The following DPY19L3 variants were observed in gnomAD, a reference collection of about 807,000 sequenced individuals.
The protein encoded by DPY19L3 is protein C-mannosyl-transferase DPY19L3.
Under a neutral mutation model 92.3 loss-of-function variants are expected in DPY19L3, and 51 were observed. The ratio of observed to expected loss-of-function variants is 0.55; its 90% CI spans 0.44 to 0.70. The LOEUF (loss-of-function observed/expected upper bound fraction) is 0.70. DPY19L3 is among the 30% of genes least tolerant of loss of function. The pLI is 0.00. For synonymous variants in DPY19L3, 309 were observed against 315.2 expected, an observed-to-expected ratio of 0.98 and a Z score of 0.21; for missense variants, 706 against 855.9, an observed-to-expected ratio of 0.82 and a Z score of 2.18.
chr19:32,468,977 C>A, intron 16 of DPY19L3, 164 bp downstream of exon 16: 1 of 571,746 alleles, frequency 1.7e-6, no homozygotes. Flanking sequence ...AAAATAATGT[C>A]TTTCTATTTA....
At chr19:32,464,125 A>G (rs1267427379) in intron 14 of DPY19L3, 145 bp downstream of exon 14, 3 of 418,318 alleles carry the variant, frequency 7.2e-6, no homozygotes, top group African/African-American at 2.1e-5. Flanking sequence ...TTAAGATTTT[A>G]TAGGGAATTA....
At chr19:32,473,930 G>C (rs895392485) in intron 16 of DPY19L3, among the ~76,000 whole-genome samples, 8 of 152,024 alleles carry the variant, frequency 5.3e-5, no homozygotes, top group Non-Finnish European at 1.2e-4. Context: ...CAGCCTCCCA[G>C]GTAGTGGGAC....
At chr19:32,467,670 T>C (rs1164273808) in intron 15 of DPY19L3, 7 of 987,502 alleles carry the variant, frequency 7.1e-6, no homozygotes, top group Admixed American at 1.2e-4. Flanking sequence ...AAAAGTATTA[T>C]ATTTTCTACG....
intron 8 of DPY19L3, among the ~76,000 whole-genome samples, chr19:32,445,455 A>ACAAAAAAAAAAC (rs1555721502): frequency 1.3e-5 from 2 of 149,374 alleles, no homozygotes; most frequent in African/African-American, 4.9e-5. Flanking sequence ...AAAAAAAAAA[A>ACAAAAAAAAAAC]AAAAAACCAT....
At chr19:32,468,643 C>T in intron 15 of DPY19L3, 88 bp from the exon 16 acceptor site, 2 of 1,548,888 alleles carry the variant, frequency 1.3e-6, no homozygotes, top group Admixed American at 2.0e-5. Flanking sequence ...ACATTATATG[C>T]AGTTTATCTT....
chr19:32,407,093 A>G (rs533289189), intron 1 of DPY19L3, among the ~76,000 whole-genome samples: 2 of 151,924 alleles, frequency 1.3e-5, no homozygotes, highest in African/African-American at 4.8e-5. Context: ...AGGAATTAAT[A>G]AACTGTGGAA....
intron 3 of DPY19L3, among the ~76,000 whole-genome samples, chr19:32,420,675 C>T (rs908821159): frequency 3.9e-5 from 6 of 152,088 alleles, no homozygotes; most frequent in Non-Finnish European, 8.8e-5. Context: ...TTCTCAAACT[C>T]CTGACCTCAG....
At chr19:32,411,632 A>G (rs768488690) in intron 3 of DPY19L3, 7 of 418,964 alleles carry the variant, frequency 1.7e-5, no homozygotes, top group Middle Eastern at 6.2e-4. Context: ...CGGTGGCGCA[A>G]TCTTGGCTCA....
chr19:32,464,126 T>C, intron 14 of DPY19L3, 146 bp downstream of exon 14: 1 of 417,868 alleles, frequency 2.4e-6, no homozygotes, highest in South Asian at 1.0e-4. Flanking sequence ...TAAGATTTTA[T>C]AGGGAATTAT....
intron 8 of DPY19L3, 90 bp from the exon 9 acceptor site, chr19:32,453,055 C>A: frequency 7.3e-7 from 1 of 1,373,992 alleles, no homozygotes; most frequent in Non-Finnish European, 1.0e-6. Flanking sequence ...TATTTGTAAG[C>A]TGAGGTGTAT....
intron 8 of DPY19L3, among the ~76,000 whole-genome samples, chr19:32,445,695 CTT>C (rs1490188510): frequency 1.3e-5 from 2 of 152,044 alleles, no homozygotes; most frequent in African/African-American, 2.4e-5. Context: ...TTCTTATTCT[CTT>C]GAGTTTCTAA....
chr19:32,445,525 A>G (rs1969470091), intron 8 of DPY19L3, among the ~76,000 whole-genome samples: 1 of 151,844 alleles, frequency 6.6e-6, no homozygotes, highest in East Asian at 1.9e-4. Context: ...AAATCAAAAC[A>G]TTCTCAATTA....
intron 8 of DPY19L3, among the ~76,000 whole-genome samples, chr19:32,443,055 A>T (rs1969372934): frequency 6.6e-6 from 1 of 151,754 alleles, no homozygotes; most frequent in Non-Finnish European, 1.5e-5. Flanking sequence ...GGAGGTTGAG[A>T]CTCTAACCAC....
intron 15 of DPY19L3, among the ~76,000 whole-genome samples, chr19:32,467,290 A>G (rs936977061): frequency 2.0e-5 from 3 of 152,248 alleles, no homozygotes; most frequent in African/African-American, 7.2e-5. Context: ...TTCAAACTAG[A>G]AAAATATCTA....
At chr19:32,439,625 G>A (rs1402030098) in intron 7 of DPY19L3, 151 bp from the exon 8 acceptor site, 6 of 734,524 alleles carry the variant, frequency 8.2e-6, no homozygotes, top group Middle Eastern at 4.0e-4. Flanking sequence ...GATAGTTAGA[G>A]CTTAAATAAC....
chr19:32,437,105 C>T (rs960180181), intron 5 of DPY19L3, 89 bp from the exon 6 acceptor site: 29 of 1,499,392 alleles, frequency 1.9e-5, no homozygotes, highest in Admixed American at 7.1e-5. Flanking sequence ...CAAGCTCCTG[C>T]ATATTGTATT....
chr19:32,446,839 CCAA>C (rs1269925735), intron 8 of DPY19L3, among the ~76,000 whole-genome samples: 14 of 152,002 alleles, frequency 9.2e-5, no homozygotes, highest in African/African-American at 2.4e-4. Flanking sequence ...GATATAGAAC[CCAA>C]CAACACCTTC....
At chr19:32,479,421 A>G (rs1568364454) in intron 17 of DPY19L3, among the ~76,000 whole-genome samples, 1 of 152,062 alleles carries the variant, frequency 6.6e-6, no homozygotes, top group African/African-American at 2.4e-5. Flanking sequence ...TAGGCCCCAC[A>G]CACTGACATC....
intron 9 of DPY19L3, among the ~76,000 whole-genome samples, chr19:32,453,619 C>T (rs117361467): frequency 6.6e-6 from 1 of 152,184 alleles, no homozygotes; most frequent in Non-Finnish European, 1.5e-5. Flanking sequence ...CGAGAAGAGT[C>T]TCCTGCTTGT....
Sources: allele counts gnomAD v4.1 joint callset (sites outside exome capture counted in the v4.1 genomes callset), GRCh38; gene constraint gnomAD v4.1.1; transcripts MANE v1.5; gene names NCBI Gene and HGNC (gene_info 2026-07-23, HGNC 2026-07-21).